The following EVC2 variants were observed in gnomAD, a reference collection of about 807,000 sequenced individuals.
EVC2 encodes the protein EvC ciliary complex subunit 2, also known as limbin.
A neutral mutation model predicts 149.3 loss-of-function variants in EVC2; 148 were observed. The observed-to-expected ratio is 0.99, with a 90% CI of 0.87 to 1.14. The LOEUF (loss-of-function observed/expected upper bound fraction) is 1.14, where lower values mean the gene tolerates loss of function less well. EVC2 is among the 50% of genes most tolerant of loss of function. EVC2 has a pLI of 0.00. For synonymous variants in EVC2, 776 were observed against 649.9 expected (o/e 1.19, Z -2.95); for missense variants, 1,854 against 1,627.3 (o/e 1.14, Z -2.40).
Position 5,686,043 on chromosome 4 carries a change from TATAG to T in EVC2, c.707-568_707-565del, listed in dbSNP as rs1411142603. On this transcript the variant is annotated intron_variant, in intron 5 of 21. Coordinates refer to ENST00000344408, the MANE Select transcript of EVC2 (RefSeq NM_147127.5). This position sits in a 1 kb window ranked among gnomAD's most constrained non-coding sequence, Gnocchi z 5.4. Reference sequence around the variant, plus strand: ...AATGTATGCAGACCTCAAAAATATATATAGATACATATATACACACATATATAAC... The same window carrying T: ...AATGTATGCAGACCTCAAAAATATATATACATATATACACACATATATAAC... Among the ~76,000 whole-genome samples, 2 of 151,784 alleles carry T rather than the reference TATAG, an allele frequency of 1.3e-5. No homozygotes were observed. The highest frequency in any genetic ancestry group is 2.9e-5 in the Non-Finnish European group (2 of 67,998).
Position 5,563,915 on chromosome 4 carries a change from T to G in EVC2, c.3660-800A>C, listed in dbSNP as rs540649332. 2.0e-5 allele frequency among the ~76,000 whole-genome samples: 3 copies of G among 151,940 alleles called. No individual in the cohort carries two copies. The East Asian group carries it at 5.8e-4, about 30-fold the overall frequency. On this transcript the variant is annotated intron_variant, in intron 21 of 21. Coordinates refer to ENST00000344408, the MANE Select transcript of EVC2 (RefSeq NM_147127.5). ...TGTGGCACACTTTGAGAATGTCCCA[T>G]AAAAAAGCTGCTGGAATCCTGGCCA...
chr4:5,600,639 A>T (rs1291488961), intron 16 of EVC2, among the ~76,000 whole-genome samples: 1 of 152,204 alleles, frequency 6.6e-6, no homozygotes, highest in Admixed American at 6.5e-5. Context: ...AAAAAACTGA[A>T]TCCTAAGTAA....
In EVC2 at chr4:5,640,038, G is replaced by T. The variant is rs1369079165; in HGVS notation, c.1470+476C>A. Among the ~76,000 whole-genome samples the T allele has an allele frequency of 6.6e-6, 1 of 152,134 alleles. No individual in the cohort carries two copies. The highest frequency in any genetic ancestry group is 1.5e-5 in the Non-Finnish European group (1 of 68,020). On this transcript the variant is annotated intron_variant, in intron 10 of 21. Transcript: ENST00000344408. This position sits in a 1 kb window ranked among gnomAD's most constrained non-coding sequence, Gnocchi z 4.6. Reference sequence around the variant, plus strand: ...ATGGGTGGATGAGTGATAATGGGCAGATGGGTGGACGGGTAGATGGAGGGG... The same window carrying T: ...ATGGGTGGATGAGTGATAATGGGCATATGGGTGGACGGGTAGATGGAGGGG...
Position 5,567,761 on chromosome 4 carries a change from G to A in EVC2, c.3557+683C>T, listed in dbSNP as rs1449498835. ...CTGAATGTCAAGTGACGGGATGACA[G>A]TTACATGCTCTATGCTACACCCCTT... is the stretch of plus-strand genomic sequence containing the variant. On this transcript the variant is annotated intron_variant, in intron 20 of 21. Coordinates refer to ENST00000344408, the MANE Select transcript of EVC2 (RefSeq NM_147127.5). This position sits in a 1 kb window ranked among gnomAD's most constrained non-coding sequence, Gnocchi z 4.4. Among the ~76,000 whole-genome samples, 3 of 152,274 alleles carry A rather than the reference G, an allele frequency of 2.0e-5. No homozygotes were observed. Among genetic ancestry groups the A allele is most frequent in the Non-Finnish European group, 2.9e-5 (2 of 68,040 alleles).
In EVC2 at chr4:5,568,490, C is replaced by T. The variant is rs1375104670; in HGVS notation, c.3511G>A (p.Ala1171Thr). ...SATERHVDHA[A>T]ESDGGAEQAD... ...TGCTCCGCTCCGCCATCGCTCTCAGCTGCGTGGTCCACATGTCTCTCGGTG... is the reference window on the plus strand; with the variant it reads ...TGCTCCGCTCCGCCATCGCTCTCAGTTGCGTGGTCCACATGTCTCTCGGTG... Residue 1171 changes from alanine (A) to threonine (T), a missense_variant, in exon 20 of 22, where the codon GCT becomes ACT. Coordinates refer to ENST00000344408, the MANE Select transcript of EVC2 (RefSeq NM_147127.5). 59 of 1,583,924 alleles carry T rather than the reference C, an allele frequency of 3.7e-5. No homozygotes were observed. Among genetic ancestry groups the T allele is most frequent in the Non-Finnish European group, 4.9e-5 (57 of 1,171,930 alleles).
At chr4:5,580,675 C>T (rs1187366598) in intron 17 of EVC2, among the ~76,000 whole-genome samples, 1 of 152,256 alleles carries the variant, frequency 6.6e-6, no homozygotes, top group East Asian at 1.9e-4. Context: ...CGCCTCCACG[C>T]TAATCACCTC....
intron 1 of EVC2, among the ~76,000 whole-genome samples, chr4:5,705,603 GA>G (rs1722081298): frequency 6.6e-6 from 1 of 151,976 alleles, no homozygotes; most frequent in Non-Finnish European, 1.5e-5. Flanking sequence ...AAAGTGAGAA[GA>G]ATGGCATTTT....
chr4:5,629,967 A>C (rs946046579), intron 11 of EVC2, among the ~76,000 whole-genome samples: 2 of 152,224 alleles, frequency 1.3e-5, no homozygotes, highest in Non-Finnish European at 2.9e-5. Context: ...CATTCACAAT[A>C]GCATGCATTC....
intron 9 of EVC2, among the ~76,000 whole-genome samples, chr4:5,662,290 G>C (rs544125390): frequency 1.3e-5 from 2 of 151,692 alleles, no homozygotes; most frequent in East Asian, 3.9e-4. Context: ...TAACTAATGA[G>C]TACTAGACTT....
At position 5,686,095 on chromosome 4, in the gene EVC2, T is replaced by TACACACAC. The variant is rs67802779; in HGVS notation, c.707-624_707-617dup. 7.5e-5 allele frequency among the ~76,000 whole-genome samples: 1 copy of TACACACAC among 13,250 alleles called. No individual in the cohort carries two copies. The highest frequency in any genetic ancestry group is 1.3e-3 in the South Asian group (1 of 780). 8.7% of individuals were successfully genotyped at this position (13,250 alleles called of 152,430 possible). The stretch of plus-strand genomic sequence containing the variant: ...AACATATATACACACACATATATAT[T>TACACACAC]ACACACACACACACACACACACACA... On this transcript the variant is annotated intron_variant, in intron 5 of 21. Transcript: ENST00000344408. This position sits in a 1 kb window ranked among gnomAD's most constrained non-coding sequence, Gnocchi z 5.4.
chr4:5,545,357 A>G (rs1721595238), intron 21 of EVC2, among the ~76,000 whole-genome samples: 1 of 152,226 alleles, frequency 6.6e-6, no homozygotes, highest in Non-Finnish European at 1.5e-5. Context: ...TCCGAGTCAG[A>G]CAGATGAGTT....
chr4:5,700,625 C>G (rs1288638653), intron 1 of EVC2, among the ~76,000 whole-genome samples: 3 of 152,204 alleles, frequency 2.0e-5, no homozygotes, highest in African/African-American at 7.2e-5. Context: ...AGGGCAGTCT[C>G]GCTGGTTTCT....
At chr4:5,610,595 G>A (rs533683300) in intron 16 of EVC2, among the ~76,000 whole-genome samples, 4 of 152,140 alleles carry the variant, frequency 2.6e-5, no homozygotes, top group African/African-American at 9.6e-5. Flanking sequence ...CCATAGACAT[G>A]AGCTCAGGGC....
chr4:5,611,211 C>T (rs964126570), intron 16 of EVC2, among the ~76,000 whole-genome samples: 1 of 152,146 alleles, frequency 6.6e-6, no homozygotes, highest in Non-Finnish European at 1.5e-5. Context: ...TGAGGCAGAC[C>T]AGGTCCCATC....
chr4:5,673,800 A>T (rs765353679), intron 7 of EVC2, among the ~76,000 whole-genome samples: 7 of 152,238 alleles, frequency 4.6e-5, no homozygotes, highest in Non-Finnish European at 1.0e-4. Context: ...TGACTTCATT[A>T]TGTACTAAAT....
chr4:5,702,643 G>A (rs1721898165), intron 1 of EVC2, among the ~76,000 whole-genome samples: 1 of 152,266 alleles, frequency 6.6e-6, no homozygotes, highest in Admixed American at 6.5e-5. Flanking sequence ...CATGGCTACT[G>A]TAGTGGACAG....
At chr4:5,560,420 G>T (rs1467164938), downstream of EVC2, among the ~76,000 whole-genome samples, 1 of 152,200 alleles carries the variant, frequency 6.6e-6, no homozygotes, top group Non-Finnish European at 1.5e-5. This position sits in a 1 kb window ranked among gnomAD's most constrained non-coding sequence, Gnocchi z 4.1. Context: ...AGGCGAAGCG[G>T]AAGAACAGCA....
chr4:5,616,760 G>T (rs1715287462), intron 15 of EVC2, among the ~76,000 whole-genome samples: 1 of 152,216 alleles, frequency 6.6e-6, no homozygotes, highest in African/African-American at 2.4e-5. Context: ...GCCTGACCGT[G>T]CTGGCCCAGC....
chr4:5,623,715 T>C (rs914323711), intron 13 of EVC2, among the ~76,000 whole-genome samples: 1 of 152,094 alleles, frequency 6.6e-6, no homozygotes. Context: ...ATTTGCCGAG[T>C]AGGTAAAGCC....
Sources: allele counts gnomAD v4.1 joint callset (sites outside exome capture counted in the v4.1 genomes callset), GRCh38; gene constraint gnomAD v4.1.1; non-coding constraint Gnocchi (gnomAD v3.1); transcripts MANE v1.5; gene names NCBI Gene and HGNC (gene_info 2026-07-23, HGNC 2026-07-21).